Variants in AK5 observed in about 807,000 individuals in gnomAD.
The protein encoded by AK5 is adenylate kinase 5.
A neutral mutation model predicts 69.5 loss-of-function variants in AK5; 27 were observed. The observed-to-expected ratio is 0.39, with a 90% CI of 0.29 to 0.54. The LOEUF (loss-of-function observed/expected upper bound fraction) is 0.54, where lower values mean the gene tolerates loss of function less well. Ranked by LOEUF, AK5 falls within the 20% of genes least tolerant of loss-of-function variation. The pLI, the probability that AK5 is intolerant of heterozygous loss-of-function variation, is 0.71. For missense variants in AK5, 531 were observed against 700.4 expected, an observed-to-expected ratio of 0.76 and a Z score of 2.73; for synonymous variants, 260 against 244.4, an observed-to-expected ratio of 1.06 and a Z score of -0.60.
At chr1:77,376,403 A>C (rs937887326) in intron 6 of AK5, among the ~76,000 whole-genome samples, 6 of 145,238 alleles carry the variant, frequency 4.1e-5, no homozygotes, top group African/African-American at 1.6e-4. Flanking sequence ...AAACCAAGCC[A>C]AAAAGTGAGC....
chr1:77,382,443 C>G (rs1647711560), intron 6 of AK5, among the ~76,000 whole-genome samples: 1 of 152,100 alleles, frequency 6.6e-6, no homozygotes, highest in Non-Finnish European at 1.5e-5. Flanking sequence ...CTCAAACTTC[C>G]AGGCTCAAAT....
In AK5 at chr1:77,434,873, A is replaced by G. The variant is rs1360964280; in HGVS notation, c.1059+17158A>G. On this transcript the variant is annotated intron_variant, in intron 8 of 13. Coordinates refer to ENST00000354567, the MANE Select transcript of AK5 (RefSeq NM_174858.3). Reference sequence around the variant, plus strand: ...TGAGTTTACATCATATCATAGAAGAAGTAAACAAGAAAACTAGTACCTTGA... The same window carrying G: ...TGAGTTTACATCATATCATAGAAGAGGTAAACAAGAAAACTAGTACCTTGA... Among the ~76,000 whole-genome samples, 5 of 152,236 alleles carry G rather than the reference A, an allele frequency of 3.3e-5. No individual in the cohort carries two copies. The East Asian group carries it at 9.6e-4, about 29-fold the overall frequency.
chr1:77,415,230 G>A (rs1039963302), intron 7 of AK5, among the ~76,000 whole-genome samples: 6 of 152,112 alleles, frequency 3.9e-5, no homozygotes, highest in Admixed American at 2.6e-4. Context: ...ATCTTGCTCC[G>A]TTTTCAAGTA....
chr1:77,412,433 C>T (rs961461874), intron 7 of AK5, among the ~76,000 whole-genome samples: 1 of 152,146 alleles, frequency 6.6e-6, no homozygotes, highest in Non-Finnish European at 1.5e-5. Flanking sequence ...CCTCAACTCC[C>T]GCTAACTCTT....
At position 77,340,469 on chromosome 1, in the gene AK5, A is replaced by G; in HGVS notation, c.792A>G (p.Pro264=). 2 of 1,614,200 alleles carry G rather than the reference A, an allele frequency of 1.2e-6. No homozygotes were observed. Residue 264 remains proline (P), a synonymous_variant, in exon 6 of 14, where the codon CCA becomes CCG. Coordinates refer to ENST00000354567, the MANE Select transcript of AK5 (RefSeq NM_174858.3). ...AGCGTGCAGAACAGCAGGGCCGACC[A>G]GACGACAATGTAAAAGCTACCCAAA... The part of the protein sequence containing the change: ...LLKRAEQQGR[P]DDNVKATQRR...
At chr1:77,552,886 A>C (rs1367408330) in intron 13 of AK5, among the ~76,000 whole-genome samples, 1 of 152,102 alleles carries the variant, frequency 6.6e-6, no homozygotes, top group Non-Finnish European at 1.5e-5. Flanking sequence ...AAAACATACA[A>C]AAAATTAGCT....
rs573730297 is a variant in AK5, at chr1:77,285,258, G to A, written c.61-1683G>A. 6.6e-5 allele frequency among the ~76,000 whole-genome samples: 10 copies of A among 152,324 alleles called. No individual in the cohort carries two copies. In the South Asian group the frequency reaches 1.9e-3, roughly 28 times the overall value. ...TTAATGAGGCTAATACTGGCTTGGCGTATGGGAAGAATGTGAGAAGCTCAA... is the reference window on the plus strand; with the variant it reads ...TTAATGAGGCTAATACTGGCTTGGCATATGGGAAGAATGTGAGAAGCTCAA... On this transcript the variant is annotated intron_variant, in intron 1 of 13. Transcript: ENST00000354567.
At chr1:77,471,474 A>G (rs749938734) in intron 8 of AK5, among the ~76,000 whole-genome samples, 6 of 152,188 alleles carry the variant, frequency 3.9e-5, no homozygotes, top group Non-Finnish European at 8.8e-5. Context: ...AATTGTTTCC[A>G]CTGCCCACTT....
intron 2 of AK5, among the ~76,000 whole-genome samples, chr1:77,290,127 A>G (rs1347620157): frequency 6.6e-6 from 1 of 152,218 alleles, no homozygotes; most frequent in Non-Finnish European, 1.5e-5. Context: ...CATCAAATAC[A>G]AACTTTTCGT....
intron 6 of AK5, among the ~76,000 whole-genome samples, chr1:77,391,511 ATATATATATATATATATC>A (rs2100527624): frequency 2.7e-5 from 2 of 74,276 alleles, no homozygotes; most frequent in African/African-American, 9.2e-5. Flanking sequence ...ATATATATAT[ATATATATATATATATATC>A]TCCTCAGGCT....
intron 6 of AK5, among the ~76,000 whole-genome samples, chr1:77,356,218 A>C (rs532985341): frequency 1.4e-4 from 22 of 152,340 alleles, no homozygotes; most frequent in African/African-American, 5.3e-4. Context: ...TGTCACTGAA[A>C]CAAAAGCTCT....
chr1:77,422,439 T>A (rs147890753), intron 8 of AK5, among the ~76,000 whole-genome samples: 12 of 152,286 alleles, frequency 7.9e-5, no homozygotes, highest in Non-Finnish European at 1.3e-4. Context: ...ATATGACCCC[T>A]ACATTTTTCT....
chr1:77,477,839 A>G (rs777066702), intron 8 of AK5, among the ~76,000 whole-genome samples: 1 of 152,178 alleles, frequency 6.6e-6, no homozygotes, highest in Non-Finnish European at 1.5e-5. Flanking sequence ...ACCATGAAAC[A>G]CACATGCTGG....
chr1:77,428,767 C>G (rs1259583533), intron 8 of AK5, among the ~76,000 whole-genome samples: 1 of 152,086 alleles, frequency 6.6e-6, no homozygotes, highest in Non-Finnish European at 1.5e-5. Context: ...CCTCACCCCA[C>G]AACAGGCCCC....
At chr1:77,509,958 C>T (rs1240080293) in intron 10 of AK5, among the ~76,000 whole-genome samples, 1 of 152,232 alleles carries the variant, frequency 6.6e-6, no homozygotes, top group Admixed American at 6.5e-5. Context: ...GTCCTCACAA[C>T]CAACAGGTAT....
chr1:77,324,323 G>A (rs1294486995), intron 5 of AK5, among the ~76,000 whole-genome samples: 3 of 38,484 alleles, frequency 7.8e-5, no homozygotes, highest in African/African-American at 1.9e-4. Flanking sequence ...ATTTGCGTGT[G>A]TGTGTGTGTG....
At chr1:77,512,342 C>G (rs1657398816) in intron 10 of AK5, among the ~76,000 whole-genome samples, 1 of 152,108 alleles carries the variant, frequency 6.6e-6, no homozygotes, top group Admixed American at 6.6e-5. Flanking sequence ...GGCTAGTTCC[C>G]AAATTCATTA....
chr1:77,381,239 A>G (rs1340423361), intron 6 of AK5, among the ~76,000 whole-genome samples: 1 of 152,148 alleles, frequency 6.6e-6, no homozygotes, highest in Non-Finnish European at 1.5e-5. Context: ...TACCCTGTGA[A>G]GTTATAGCAA....
intron 8 of AK5, among the ~76,000 whole-genome samples, chr1:77,477,387 A>T (rs1302324291): frequency 6.6e-6 from 1 of 152,130 alleles, no homozygotes; most frequent in Non-Finnish European, 1.5e-5. Flanking sequence ...CAATGAAGTG[A>T]ACCCTTCCAA....
Sources: gnomAD v4.1 joint callset for allele counts (sites outside exome capture counted in the v4.1 genomes callset) on GRCh38, gnomAD v4.1.1 for gene constraint, MANE v1.5 for transcripts, NCBI Gene and HGNC (gene_info 2026-07-23, HGNC 2026-07-21) for gene names.